CFAP20DC: variants seen among roughly 807,000 people sequenced by gnomAD.
CFAP20DC encodes the protein protein CFAP20DC.
CFAP20DC carries 84 observed loss-of-function variants against 101.7 expected under a neutral mutation model. That is an observed-to-expected ratio of 0.83 (90% CI 0.69 to 0.99). The LOEUF (loss-of-function observed/expected upper bound fraction) is 0.99, where lower values mean the gene tolerates loss of function less well. Ranked by LOEUF, CFAP20DC falls within the 50% of genes least tolerant of loss-of-function variation. CFAP20DC has a pLI of 0.00. For synonymous variants in CFAP20DC, 359 were observed against 351.2 expected, an observed-to-expected ratio of 1.02 and a Z score of -0.25; for missense variants, 1,007 against 970.3, an observed-to-expected ratio of 1.04 and a Z score of -0.50.
In CFAP20DC at chr3:59,049,992, G is replaced by C. The variant is rs1309080528; in HGVS notation, c.-361C>G. ...AACCGCCCGCTGGCCTAGGAAAAGCGGGCGCGCTCCCGCTGCCGCCCCACC... is the reference window on the plus strand; with the variant it reads ...AACCGCCCGCTGGCCTAGGAAAAGCCGGCGCGCTCCCGCTGCCGCCCCACC... On this transcript the variant is annotated 5_prime_UTR_variant, in exon 1 of 17. Transcript: ENST00000482387. 2 of 254,266 alleles carry C rather than the reference G, an allele frequency of 7.9e-6. No homozygotes were observed. Among genetic ancestry groups the C allele is most frequent in the African/African-American group, 2.2e-5 (1 of 44,464 alleles). The allele number at this position is 254,266 out of a possible 1,614,324, so 15.8% of individuals were successfully genotyped here. A position where few individuals can be genotyped will look rare whatever the true frequency, so the allele number is the denominator to read the frequency against.
chr3:58,999,899 A>T (rs7624881), intron 4 of CFAP20DC, among the ~76,000 whole-genome samples: 2,668 of 151,176 alleles, frequency 0.018, 67 homozygotes, highest in African/African-American at 0.06. Context: ...GGCCACAAAG[A>T]GAGAGGGTTC....
At chr3:58,758,746 T>A (rs895021913) in intron 15 of CFAP20DC, among the ~76,000 whole-genome samples, 2 of 152,094 alleles carry the variant, frequency 1.3e-5, no homozygotes, top group African/African-American at 4.8e-5. Flanking sequence ...GTCCGTGTGT[T>A]CTCATTGTTC....
At chr3:58,963,258 T>C (rs1248095776) in intron 4 of CFAP20DC, among the ~76,000 whole-genome samples, 2 of 143,264 alleles carry the variant, frequency 1.4e-5, no homozygotes, top group Non-Finnish European at 3.1e-5. Context: ...AAATGCTTCC[T>C]AATTTGTTGT....
Position 58,892,114 on chromosome 3 carries a change from G to C in CFAP20DC, c.551-7405C>G, listed in dbSNP as rs967141807. Among the ~76,000 whole-genome samples, 1 of 152,154 alleles carries C rather than the reference G, an allele frequency of 6.6e-6. No individual in the cohort carries two copies. The highest frequency in any genetic ancestry group is 6.5e-5 in the Admixed American group (1 of 15,276). On this transcript the variant is annotated intron_variant, in intron 6 of 16. Coordinates refer to ENST00000482387, the MANE Select transcript of CFAP20DC (RefSeq NM_001394063.1). This position sits in a 1 kb window ranked among gnomAD's most constrained non-coding sequence, Gnocchi z 4.0. ...AGTATTTTCCCCATTCATTGATTTTGTCAGTTTTGTTGAAGATCAGATGGC... is the reference window on the plus strand; with the variant it reads ...AGTATTTTCCCCATTCATTGATTTTCTCAGTTTTGTTGAAGATCAGATGGC...
intron 16 of CFAP20DC, among the ~76,000 whole-genome samples, chr3:58,748,129 T>C (rs1257682657): frequency 6.6e-6 from 1 of 152,186 alleles, no homozygotes; most frequent in Admixed American, 6.5e-5. Flanking sequence ...TAGTCTCTAC[T>C]TACAAATATG....
At position 58,756,864 on chromosome 3, in the gene CFAP20DC, A is replaced by G. The variant is rs1387643575; in HGVS notation, c.2238-3001T>C. On this transcript the variant is annotated intron_variant, in intron 15 of 16. Transcript: ENST00000482387. ...TTTCAGCTTATAATTTATCCTGGAA[A>G]TCATTCCATACCAGTTCATGGAGAG... Among the ~76,000 whole-genome samples the G allele has an allele frequency of 2.6e-5, 4 of 152,216 alleles. No individual in the cohort carries two copies. The East Asian group carries it at 7.7e-4, about 29-fold the overall frequency.
intron 7 of CFAP20DC, among the ~76,000 whole-genome samples, chr3:58,870,698 C>T (rs1016243706): frequency 6.7e-6 from 1 of 148,668 alleles, no homozygotes; most frequent in Non-Finnish European, 1.5e-5. Flanking sequence ...ACCATCCTGG[C>T]TAACAAGGTG....
Position 58,870,365 on chromosome 3 carries a change from C to G in CFAP20DC, c.716-56G>C, listed in dbSNP as rs113389381. On this transcript the variant is annotated intron_variant, in intron 7 of 16. Coordinates refer to ENST00000482387, the MANE Select transcript of CFAP20DC (RefSeq NM_001394063.1). ...CATTAATGGGTGTAATGACAAACAT[C>G]ACACTGCAATCTTTCTAAAAATCCA... 135 of 1,544,478 alleles carry G rather than the reference C, an allele frequency of 8.7e-5. No homozygotes were observed. The African/African-American group carries it at 1.5e-3, about 17-fold the overall frequency.
intron 4 of CFAP20DC, among the ~76,000 whole-genome samples, chr3:59,019,568 T>C (rs1369110036): frequency 6.6e-6 from 1 of 151,944 alleles, no homozygotes; most frequent in Non-Finnish European, 1.5e-5. Flanking sequence ...AATTGTAATA[T>C]GAACAAGAAA....
At chr3:58,848,153 A>T (rs1465473284) in intron 13 of CFAP20DC, among the ~76,000 whole-genome samples, 2 of 71,276 alleles carry the variant, frequency 2.8e-5, no homozygotes, top group Admixed American at 3.6e-4. Context: ...TGTACCCTAA[A>T]ACTTAAAGTA....
chr3:58,925,521 CTAATTAAAA>C (rs2085859481), intron 5 of CFAP20DC, among the ~76,000 whole-genome samples: 1 of 152,174 alleles, frequency 6.6e-6, no homozygotes, highest in Admixed American at 6.6e-5. Flanking sequence ...TCAATATTTG[CTAATTAAAA>C]TAAACTGTAA....
intron 15 of CFAP20DC, among the ~76,000 whole-genome samples, chr3:58,778,597 A>G (rs977811354): frequency 6.6e-6 from 1 of 152,146 alleles, no homozygotes; most frequent in African/African-American, 2.4e-5. Flanking sequence ...GAACCCACAC[A>G]CCAACCTGAT....
rs542557407 is a variant in CFAP20DC, at chr3:58,971,306, T to C, written c.279-33544A>G. Among the ~76,000 whole-genome samples the C allele has an allele frequency of 6.6e-6, 1 of 152,338 alleles. No homozygotes were observed. Among genetic ancestry groups the C allele is most frequent in the African/African-American group, 2.4e-5 (1 of 41,586 alleles). ...ACTATGATTATAAGATATTTCCAAT[T>C]ATTTATAGTCTTGAAAACTTTTTTT... On this transcript the variant is annotated intron_variant, in intron 4 of 16. Transcript: ENST00000482387. The surrounding 1 kb of genome is among the most constrained non-coding windows in gnomAD (Gnocchi z 4.1).
chr3:58,857,761 T>G (rs1377429142), intron 12 of CFAP20DC, among the ~76,000 whole-genome samples: 5 of 152,130 alleles, frequency 3.3e-5, no homozygotes, highest in African/African-American at 1.2e-4. Flanking sequence ...AGCTTCTCAT[T>G]TAGAGAAGAA....
intron 5 of CFAP20DC, among the ~76,000 whole-genome samples, chr3:58,915,093 CAG>C (rs1457228430): frequency 2.0e-5 from 3 of 152,044 alleles, no homozygotes; most frequent in Non-Finnish European, 2.9e-5. Context: ...TGTGCAAAAG[CAG>C]AGTGTTGAGA....
chr3:58,898,621 GT>G (rs1190158953), intron 6 of CFAP20DC, among the ~76,000 whole-genome samples: 1 of 152,080 alleles, frequency 6.6e-6, no homozygotes, highest in Non-Finnish European at 1.5e-5. Flanking sequence ...TTTGCTTTGG[GT>G]TACAACATGC....
At chr3:59,000,072 C>T (rs1050436857) in intron 4 of CFAP20DC, among the ~76,000 whole-genome samples, 1 of 152,116 alleles carries the variant, frequency 6.6e-6, no homozygotes, top group South Asian at 2.1e-4. Context: ...CTTGATCTTG[C>T]AGCCAGAGAT....
chr3:58,905,381 A>T (rs934591063), intron 6 of CFAP20DC, among the ~76,000 whole-genome samples: 4 of 152,220 alleles, frequency 2.6e-5, no homozygotes, highest in African/African-American at 9.6e-5. Flanking sequence ...GATATGAGTT[A>T]ATCAATAATT....
chr3:58,962,319 T>G (rs528963211), intron 4 of CFAP20DC, among the ~76,000 whole-genome samples: 1 of 152,332 alleles, frequency 6.6e-6, no homozygotes, highest in East Asian at 1.9e-4. Context: ...TATGTGAGGA[T>G]TTCCTCAATT....
Sources: gnomAD v4.1 joint callset for allele counts (sites outside exome capture counted in the v4.1 genomes callset) on GRCh38, gnomAD v4.1.1 for gene constraint, Gnocchi (gnomAD v3.1) non-coding constraint, MANE v1.5 for transcripts, NCBI Gene and HGNC (gene_info 2026-07-23, HGNC 2026-07-21) for gene names.